The following ANKRD55 variants were observed in gnomAD, a reference collection of about 807,000 sequenced individuals.
ANKRD55 encodes ankyrin repeat domain 55.
ANKRD55 carries 41 observed loss-of-function variants against 60.6 expected under a neutral mutation model. The ratio of observed to expected loss-of-function variants is 0.68; its 90% CI spans 0.53 to 0.88. ANKRD55 has a LOEUF of 0.88. Among genes scored for constraint, ANKRD55 ranks in the 40% least tolerant of loss-of-function variants. The pLI is 0.00. For synonymous variants in ANKRD55, 264 were observed against 290.3 expected, an observed-to-expected ratio of 0.91 and a Z score of 0.92; for missense variants, 732 against 767.6, an observed-to-expected ratio of 0.95 and a Z score of 0.55.
intron 5 of ANKRD55, among the ~76,000 whole-genome samples, chr5:56,166,207 C>T (rs1370702477): frequency 9.1e-6 from 1 of 109,724 alleles, no homozygotes; most frequent in African/African-American, 4.3e-5. Context: ...CCTTCTCTCT[C>T]TCTCTCTCTC....
At chr5:56,135,302 T>G (rs201137843) in intron 7 of ANKRD55, among the ~76,000 whole-genome samples, 3,760 of 13,328 alleles carry the variant, frequency 0.28, 217 homozygotes, top group African/African-American at 0.39. Flanking sequence ...TTGCTTTCTT[T>G]CTTTCTTTCT....
At chr5:56,105,367 G>A (rs1383877661) in intron 10 of ANKRD55, among the ~76,000 whole-genome samples, 11 of 152,302 alleles carry the variant, frequency 7.2e-5, no homozygotes, top group Middle Eastern at 3.4e-3. Flanking sequence ...GATTACAGGC[G>A]TGAGCCACCG....
intron 2 of ANKRD55, among the ~76,000 whole-genome samples, chr5:56,217,981 G>A (rs58959030): frequency 0.098 from 14,981 of 152,114 alleles, 1,327 homozygotes; most frequent in African/African-American, 0.24. Context: ...AAGTCTTAGA[G>A]GAGTTCAGAA....
intron 2 of ANKRD55, among the ~76,000 whole-genome samples, chr5:56,209,022 A>C (rs1056224655): frequency 2.7e-5 from 4 of 150,832 alleles, no homozygotes; most frequent in African/African-American, 9.8e-5. Flanking sequence ...CAGTGGTGTG[A>C]TCTTGGCTCA....
At chr5:56,112,503 G>GTAAAAAAAAAAAA (rs1479176978) in intron 9 of ANKRD55, among the ~76,000 whole-genome samples, 1 of 4,266 alleles carries the variant, frequency 2.3e-4, no homozygotes, top group Non-Finnish European at 5.9e-4. Context: ...CTCATCTCTA[G>GTAAAAAAAAAAAA]CAAAAAAAAA....
At chr5:56,176,095 A>G in intron 4 of ANKRD55, 57 bp downstream of exon 4, 1 of 1,604,476 alleles carries the variant, frequency 6.2e-7, no homozygotes, top group Admixed American at 1.7e-5. Flanking sequence ...GGGACCCCAT[A>G]ATGACACCCT....
rs149910801 is a variant in ANKRD55, at chr5:56,103,420, G to A, written c.1631-834C>T. On this transcript the variant is annotated intron_variant, in intron 10 of 11. Coordinates refer to ENST00000341048, the MANE Select transcript of ANKRD55 (RefSeq NM_024669.3). The stretch of plus-strand genomic sequence containing the variant: ...TACTGACTTTAAGATACGGATGTTC[G>A]ATACCTGAAAATAGAAGGGAACACA... Among the ~76,000 whole-genome samples, 826 of 152,228 alleles carry A rather than the reference G, an allele frequency of 5.4e-3. 9 individuals are homozygous for A. The highest frequency in any genetic ancestry group is 0.019 in the African/African-American group (787 of 41,522).
At chr5:56,219,958 A>T (rs188324904) in intron 2 of ANKRD55, among the ~76,000 whole-genome samples, 8 of 152,372 alleles carry the variant, frequency 5.3e-5, no homozygotes, top group Non-Finnish European at 8.8e-5. Context: ...ACAATTACTT[A>T]GTTCTGGCAC....
In ANKRD55 at chr5:56,166,086, T is replaced by TTCTTC. The variant is rs1554040773; in HGVS notation, c.422+4607_422+4608insGAAGA. Reference sequence around the variant, plus strand: ...CACCCTTCAGGGATCTTTCTTTTCTTTTTCTTTCTTTCTTTCTTTCTTTCT... The same window carrying TTCTTC: ...CACCCTTCAGGGATCTTTCTTTTCTTTCTTCTTTCTTTCTTTCTTTCTTTCTTTCT... On this transcript the variant is annotated intron_variant, in intron 5 of 11. Coordinates refer to ENST00000341048, the MANE Select transcript of ANKRD55 (RefSeq NM_024669.3). 2.4e-3 allele frequency among the ~76,000 whole-genome samples: 220 copies of TTCTTC among 91,850 alleles called. 3 individuals carry two copies. The highest frequency in any genetic ancestry group is 7.4e-3 in the African/African-American group (207 of 27,890). 60.3% of individuals were successfully genotyped at this position (91,850 alleles called of 152,430 possible). A position where few individuals can be genotyped will look rare whatever the true frequency, so the allele number is the denominator to read the frequency against.
At chr5:56,167,531 A>G (rs772879621) in intron 5 of ANKRD55, among the ~76,000 whole-genome samples, 21 of 152,244 alleles carry the variant, frequency 1.4e-4, no homozygotes, top group Non-Finnish European at 2.4e-4. Flanking sequence ...TACCAGAAAT[A>G]ACAATTTTGG....
intron 2 of ANKRD55, among the ~76,000 whole-genome samples, chr5:56,225,518 C>A (rs1294098351): frequency 6.6e-6 from 1 of 152,100 alleles, no homozygotes; most frequent in Non-Finnish European, 1.5e-5. Context: ...AAAGAGTATT[C>A]AATTAGGAAA....
intron 11 of ANKRD55, among the ~76,000 whole-genome samples, chr5:56,102,063 A>G (rs114530037): frequency 0.032 from 4,909 of 152,246 alleles, 136 homozygotes; most frequent in Admixed American, 0.055. Context: ...CCTGTAATTT[A>G]TAAGTGTTGG....
At chr5:56,210,560 CAAAAAAAAAA>C (rs59566826) in intron 2 of ANKRD55, among the ~76,000 whole-genome samples, 2 of 65,182 alleles carry the variant, frequency 3.1e-5, no homozygotes, top group African/African-American at 5.1e-5. Flanking sequence ...GACTACGTCT[CAAAAAAAAAA>C]AAAAAAAAAA....
Position 56,191,786 on chromosome 5 carries a change from C to G in ANKRD55, c.59-8152G>C, listed in dbSNP as rs551440103. On this transcript the variant is annotated intron_variant, in intron 2 of 11. Coordinates refer to ENST00000341048, the MANE Select transcript of ANKRD55 (RefSeq NM_024669.3). ...TACTTCAGAATTCCTTCTGGCCCTG[C>G]GATGTACACTAAACCACAGCACAAC... 3.1e-4 allele frequency among the ~76,000 whole-genome samples: 47 copies of G among 152,184 alleles called. No individual in the cohort carries two copies. The South Asian group carries it at 8.1e-3, about 26-fold the overall frequency.
In ANKRD55 at chr5:56,221,630, T is replaced by C. The variant is rs181870191; in HGVS notation, c.58+11226A>G. ...GCAGTGACAGATGGCACCTGGAAAATTGGGTTACTCACACCCTAATACTGT... is the reference window on the plus strand; with the variant it reads ...GCAGTGACAGATGGCACCTGGAAAACTGGGTTACTCACACCCTAATACTGT... On this transcript the variant is annotated intron_variant, in intron 2 of 11. Coordinates refer to ENST00000341048, the MANE Select transcript of ANKRD55 (RefSeq NM_024669.3). Among the ~76,000 whole-genome samples the C allele has an allele frequency of 1.9e-4, 29 of 152,230 alleles. No homozygotes were observed. In the East Asian group the frequency reaches 3.1e-3, roughly 16 times the overall value.
At chr5:56,146,622 C>A (rs929464928) in intron 6 of ANKRD55, 5 of 150,336 alleles carry the variant, frequency 3.3e-5, no homozygotes, top group Non-Finnish European at 6.0e-5. Context: ...TAAAATCATA[C>A]ACAGAAGAAA....
intron 8 of ANKRD55, among the ~76,000 whole-genome samples, chr5:56,120,279 G>C (rs564369074): frequency 5.5e-4 from 84 of 152,076 alleles, no homozygotes; most frequent in Non-Finnish European, 1.0e-3. Context: ...CGCCGTCCTC[G>C]GCCTCCCAAA....
intron 2 of ANKRD55, among the ~76,000 whole-genome samples, chr5:56,228,471 G>T (rs1244149919): frequency 6.6e-6 from 1 of 151,572 alleles, no homozygotes; most frequent in Non-Finnish European, 1.5e-5. Flanking sequence ...TGTCACCCAG[G>T]CTGGAGTGCA....
At chr5:56,108,973 G>A (rs1030505805) in intron 10 of ANKRD55, among the ~76,000 whole-genome samples, 3 of 151,888 alleles carry the variant, frequency 2.0e-5, no homozygotes, top group African/African-American at 7.3e-5. Flanking sequence ...GGAGGCGGAT[G>A]TTGCAGTGAG....
Sources: gnomAD v4.1 joint callset for allele counts (sites outside exome capture counted in the v4.1 genomes callset) on GRCh38, gnomAD v4.1.1 for gene constraint, MANE v1.5 for transcripts, NCBI Gene and HGNC (gene_info 2026-07-23, HGNC 2026-07-21) for gene names.